The following NEBL variants were observed in gnomAD, a reference collection of about 807,000 sequenced individuals.
NEBL encodes the protein nebulette.
In NEBL, 122 loss-of-function variants were observed where a neutral mutation model predicts 140.2. The ratio of observed to expected loss-of-function variants is 0.87; its 90% CI spans 0.75 to 1.01. The LOEUF (loss-of-function observed/expected upper bound fraction) is 1.01. NEBL is among the 50% of genes least tolerant of loss of function. The pLI is 0.00. For missense variants in NEBL, 1,365 were observed against 1,231.3 expected, an observed-to-expected ratio of 1.11 and a Z score of -1.62; for synonymous variants, 436 against 398.9, an observed-to-expected ratio of 1.09 and a Z score of -1.11.
chr10:20,899,353 A>G, upstream of NEBL: 1 of 1,275,226 alleles, frequency 7.8e-7, no homozygotes, highest in Non-Finnish European at 1.0e-6. Context: ...ACTCAGGGTG[A>G]CACCTATTCC....
chr10:21,028,974 A>G, intron 2 of NEBL: 2 of 561,912 alleles, frequency 3.6e-6, no homozygotes, highest in Non-Finnish European at 6.3e-6. Flanking sequence ...TTTTAAAATG[A>G]AAGTGTTGCT....
At chr10:21,258,743 G>A (rs1842697369) in intron 1 of NEBL, among the ~76,000 whole-genome samples, 1 of 152,072 alleles carries the variant, frequency 6.6e-6, no homozygotes, top group African/African-American at 2.4e-5. Context: ...GCCAGGTGTG[G>A]TGACAGGCGC....
chr10:20,823,332 T>C, intron 18 of NEBL, 32 bp from the exon 19 acceptor site: 7 of 1,460,454 alleles, frequency 4.8e-6, no homozygotes, highest in Non-Finnish European at 6.7e-6. Context: ...AACGTTAACT[T>C]TATTCTATGC....
chr10:21,092,262 A>G (rs992299097), intron 2 of NEBL, among the ~76,000 whole-genome samples: 3 of 152,168 alleles, frequency 2.0e-5, no homozygotes, highest in African/African-American at 7.2e-5. Context: ...ATATGCCATT[A>G]CTACAGTCAA....
At chr10:21,219,097 A>G (rs76171678) in intron 3 of NEBL, among the ~76,000 whole-genome samples, 1,695 of 152,330 alleles carry the variant, frequency 0.011, 29 homozygotes, top group African/African-American at 0.034. Context: ...GGCATACCCC[A>G]ATCCCCTGCA....
Position 20,823,281 on chromosome 10 carries a change from A to T in NEBL, c.1889T>A (p.Ile630Asn), listed in dbSNP as rs761242078. Residue 630 changes from isoleucine to asparagine, a missense_variant, in exon 19 of 28, where the codon ATT becomes AAT. Ile to Asn is a moderately radical substitution (Grantham distance 149). Coordinates refer to ENST00000377122, the MANE Select transcript of NEBL (RefSeq NM_006393.3). The stretch of plus-strand genomic sequence containing the variant: ...ATCAGAAATGGCTGTTGCATGTTTA[A>T]TCTCTTCTTTGTATTTCACCTGCAT... ...NISSVKYKEEIKHATAISDPP... is the reference protein window; with the variant it reads ...NISSVKYKEENKHATAISDPP... 6.2e-7 allele frequency: 1 copy of T among 1,607,784 alleles called. No individual in the cohort carries two copies. The highest frequency in any genetic ancestry group is 8.5e-7 in the Non-Finnish European group (1 of 1,176,910).
intron 2 of NEBL, among the ~76,000 whole-genome samples, chr10:21,091,564 G>A (rs957902006): frequency 6.6e-6 from 1 of 152,062 alleles, no homozygotes; most frequent in African/African-American, 2.4e-5. Flanking sequence ...AAATTCAGTC[G>A]TTGTTCTTCA....
At chr10:20,949,740 TG>T (rs558894501) in intron 4 of NEBL, among the ~76,000 whole-genome samples, 113 of 152,346 alleles carry the variant, frequency 7.4e-4, no homozygotes, top group Non-Finnish European at 1.1e-3. Flanking sequence ...TTTTGTGTTT[TG>T]TTTTTTTTCT....
chr10:20,900,489 C>T (rs965884694), upstream of NEBL, among the ~76,000 whole-genome samples: 5 of 150,988 alleles, frequency 3.3e-5, no homozygotes, highest in Middle Eastern at 3.5e-3. Context: ...ACCAGCCTGA[C>T]CAACATGGTC....
chr10:21,283,704 T>C (rs1413896633), intron 1 of NEBL, among the ~76,000 whole-genome samples: 1 of 152,170 alleles, frequency 6.6e-6, no homozygotes, highest in Admixed American at 6.5e-5. Flanking sequence ...CATATGAATA[T>C]TCATACCAAG....
intron 3 of NEBL, among the ~76,000 whole-genome samples, chr10:21,227,726 CTTCTTCTTCTT>C (rs1564546045): frequency 1.0e-4 from 12 of 115,366 alleles, no homozygotes; most frequent in African/African-American, 4.2e-4. Context: ...TCTTCTTCTT[CTTCTTCTTCTT>C]CTTCTTCTTC....
At chr10:21,058,971 T>C (rs947775976) in intron 2 of NEBL, among the ~76,000 whole-genome samples, 1 of 152,220 alleles carries the variant, frequency 6.6e-6, no homozygotes, top group Admixed American at 6.5e-5. Flanking sequence ...TGCCTATATA[T>C]TGGGTGTTTG....
intron 2 of NEBL, among the ~76,000 whole-genome samples, chr10:21,125,137 G>A (rs1838760194): frequency 6.6e-6 from 1 of 152,106 alleles, no homozygotes; most frequent in Admixed American, 6.6e-5. Context: ...TGAAAGCAAT[G>A]CTAACATCTC....
chr10:21,249,965 G>A (rs2132271714), intron 2 of NEBL, among the ~76,000 whole-genome samples: 1 of 152,198 alleles, frequency 6.6e-6, no homozygotes, highest in African/African-American at 2.4e-5. Context: ...TTGGGAGGCT[G>A]AGGTACAAGT....
intron 2 of NEBL, among the ~76,000 whole-genome samples, chr10:21,145,842 T>C (rs1405221426): frequency 6.6e-6 from 1 of 152,186 alleles, no homozygotes; most frequent in Admixed American, 6.5e-5. Context: ...CAGTAATTGC[T>C]TGCTGATTTG....
chr10:20,822,073 T>C (rs1389006943), intron 19 of NEBL, among the ~76,000 whole-genome samples: 3 of 152,184 alleles, frequency 2.0e-5, no homozygotes, highest in Admixed American at 6.5e-5. Context: ...TATGATTAAA[T>C]GAGATATTGC....
intron 3 of NEBL, among the ~76,000 whole-genome samples, chr10:20,969,376 G>T (rs1309275009): frequency 6.6e-6 from 1 of 150,874 alleles, no homozygotes; most frequent in Non-Finnish European, 1.5e-5. Context: ...AACTTCCACT[G>T]CATTCCCAGA....
intron 2 of NEBL, among the ~76,000 whole-genome samples, chr10:21,169,067 A>AAAATATATATATATATATAT (rs1554830679): frequency 8.7e-5 from 2 of 23,078 alleles, no homozygotes; most frequent in Non-Finnish European, 1.7e-4. Context: ...AAAAAAAAAA[A>AAAATATATATATATATATAT]ATATATATAT....
chr10:20,967,183 GA>G (rs74261069), intron 3 of NEBL, among the ~76,000 whole-genome samples: 15,044 of 142,184 alleles, frequency 0.11, 1,104 homozygotes, highest in African/African-American at 0.22. Flanking sequence ...TATTTTCAAA[GA>G]AAAAAAAAAA....
Sources: gnomAD v4.1 joint callset for allele counts (sites outside exome capture counted in the v4.1 genomes callset) on GRCh38, gnomAD v4.1.1 for gene constraint, MANE v1.5 for transcripts, NCBI Gene and HGNC (gene_info 2026-07-23, HGNC 2026-07-21) for gene names.